The following IMPG1 variants were observed in gnomAD, a reference collection of about 807,000 sequenced individuals.
IMPG1 encodes interphotoreceptor matrix proteoglycan of 150 kDa.
A neutral mutation model predicts 92.0 loss-of-function variants in IMPG1; 85 were observed. That is an observed-to-expected ratio of 0.92 (90% CI 0.78 to 1.11). IMPG1 has a LOEUF of 1.11. Among genes scored for constraint, IMPG1 ranks in the 50% least tolerant of loss-of-function variants. The pLI is 0.00. For missense variants in IMPG1, 1,022 were observed against 956.0 expected (o/e 1.07, Z -0.91); for synonymous variants, 367 against 334.1 (o/e 1.10, Z -1.08).
chr6:75,974,997 T>G (rs559146348), intron 12 of IMPG1, among the ~76,000 whole-genome samples: 27 of 152,250 alleles, frequency 1.8e-4, no homozygotes, highest in Non-Finnish European at 3.4e-4. Flanking sequence ...GATTTTCTTT[T>G]GGGAAAGTAG....
intron 2 of IMPG1, 33 bp downstream of exon 2, chr6:76,041,860 C>T (rs746942132): frequency 2.1e-6 from 3 of 1,409,106 alleles, no homozygotes; most frequent in Non-Finnish European, 3.0e-6. Flanking sequence ...ATGGAAATAA[C>T]ACAAGGCTAA....
In IMPG1 at chr6:76,041,877, T is replaced by G. The variant is rs1168421180; in HGVS notation, c.301+16A>C. ...GGAAATAACACAAGGCTAAACGGTT[T>G]CATCTCTTTCCTTACCTCTCAATCT... On this transcript the variant is annotated intron_variant, in intron 2 of 16. Coordinates refer to ENST00000369950, the MANE Select transcript of IMPG1 (RefSeq NM_001563.4). 1 of 1,515,034 alleles carries G rather than the reference T, an allele frequency of 6.6e-7. No individual in the cohort carries two copies. Among genetic ancestry groups the G allele is most frequent in the Non-Finnish European group, 9.2e-7 (1 of 1,090,010 alleles). 93.8% of individuals were successfully genotyped at this position (1,515,034 alleles called of 1,614,324 possible). A position where few individuals can be genotyped will look rare whatever the true frequency, so the allele number is the denominator to read the frequency against.
At chr6:75,923,906 A>G (rs753399099) in intron 15 of IMPG1, among the ~76,000 whole-genome samples, 200 bp from the exon 16 acceptor site, 6 of 152,094 alleles carry the variant, frequency 3.9e-5, no homozygotes, top group Admixed American at 6.5e-5. Flanking sequence ...TTGGCTTACT[A>G]TTTCTTAGGC....
chr6:75,943,479 A>G (rs557241292), intron 14 of IMPG1, among the ~76,000 whole-genome samples: 2 of 152,326 alleles, frequency 1.3e-5, no homozygotes, highest in East Asian at 1.9e-4. Context: ...ATTTCTGCAC[A>G]TGCTGGCTCC....
At chr6:76,015,483 A>G (rs76892560) in intron 7 of IMPG1, among the ~76,000 whole-genome samples, 540 of 152,326 alleles carry the variant, frequency 3.5e-3, no homozygotes, top group Middle Eastern at 0.014. Context: ...TCTTTGGCTT[A>G]TAAGTTTTTC....
intron 14 of IMPG1, 98 bp from the exon 15 acceptor site, chr6:75,931,249 C>T (rs1781664937): frequency 4.4e-6 from 5 of 1,135,280 alleles, no homozygotes; most frequent in African/African-American, 1.5e-5. Context: ...TTGCTATTAC[C>T]TCATTTTGGA....
chr6:75,950,604 G>A lies in IMPG1; in HGVS notation c.1782C>T (p.Ser594=). The change falls in exon 13 of 17, where the codon AGC becomes AGT. Residue 594 remains serine, a synonymous_variant. Coordinates refer to ENST00000369950, the MANE Select transcript of IMPG1 (RefSeq NM_001563.4). ...GCTCCAGAGCTCGGTACTCCAGAGA[G>A]CTCTTGTTGAACAGGTCGTTGGAGA... is the stretch of plus-strand genomic sequence containing the variant. ...MAFSNDLFNK[S]SLEYRALEQQ... The A allele has an allele frequency of 1.2e-6, 2 of 1,613,542 alleles. No homozygotes were observed. Among genetic ancestry groups the A allele is most frequent in the South Asian group, 1.1e-5 (1 of 90,994 alleles).
At chr6:76,032,139 T>C (rs1262886225) in intron 4 of IMPG1, among the ~76,000 whole-genome samples, 2 of 152,240 alleles carry the variant, frequency 1.3e-5, no homozygotes, top group African/African-American at 4.8e-5. Flanking sequence ...TGTTCCTTTC[T>C]TTCTCTCCAG....
At chr6:76,071,283 AAC>A (rs1784400115) in intron 1 of IMPG1, among the ~76,000 whole-genome samples, 1 of 150,408 alleles carries the variant, frequency 6.6e-6, no homozygotes, top group African/African-American at 2.4e-5. Context: ...CAAAAAATTT[AAC>A]ACAGCTGAAT....
rs944350525 is a variant in IMPG1 at position 76,002,827 on chromosome 6, GC to G, written c.1291+90del. On this transcript the variant is annotated intron_variant, in intron 12 of 16. Transcript: ENST00000369950. The stretch of plus-strand genomic sequence containing the variant: ...TGAACCTTTTCCTGGGTTCGGGATG[GC>G]TTTGTCACTGGTCTTTGAGGCAGTA... The G allele has an allele frequency of 3.7e-5, 37 of 989,166 alleles. No homozygotes were observed. The Admixed American group carries it at 4.0e-4, about 11-fold the overall frequency. 61.3% of individuals were successfully genotyped at this position (989,166 alleles called of 1,614,324 possible).
Position 76,025,407 on chromosome 6 carries a change from A to G in IMPG1, c.498-149T>C, listed in dbSNP as rs558307584. On this transcript the variant is annotated intron_variant, in intron 4 of 16. Transcript: ENST00000369950. ...CTAGATTGACCTATTTTTAAACTAC[A>G]GAAGTAATATTTGAATATATTCTCA... The G allele has an allele frequency of 2.4e-5, 11 of 455,358 alleles. No individual in the cohort carries two copies. The Admixed American group carries it at 4.0e-4, about 16-fold the overall frequency. The allele number at this position is 455,358 out of a possible 1,614,324, so 28.2% of individuals were successfully genotyped here.
intron 2 of IMPG1, among the ~76,000 whole-genome samples, chr6:76,039,148 G>A (rs1230786698): frequency 1.3e-5 from 2 of 152,172 alleles, no homozygotes; most frequent in Admixed American, 1.3e-4. Context: ...GAACTTTAAA[G>A]TACAAATGAA....
intron 12 of IMPG1, among the ~76,000 whole-genome samples, chr6:75,973,502 A>G (rs1043868533): frequency 2.0e-5 from 3 of 152,230 alleles, no homozygotes; most frequent in Admixed American, 6.5e-5. Flanking sequence ...AGTACTTGGT[A>G]CATGCTAGGC....
intron 1 of IMPG1, among the ~76,000 whole-genome samples, chr6:76,064,068 C>A (rs1052564078): frequency 6.6e-6 from 1 of 152,152 alleles, no homozygotes; most frequent in African/African-American, 2.4e-5. Context: ...ACCCCACCCA[C>A]TGTTGTGGAT....
At chr6:75,956,136 C>T (rs1782116301) in intron 12 of IMPG1, among the ~76,000 whole-genome samples, 1 of 152,138 alleles carries the variant, frequency 6.6e-6, no homozygotes, top group Non-Finnish European at 1.5e-5. Flanking sequence ...AGGATGCCCT[C>T]TTTTTCTATT....
intron 14 of IMPG1, among the ~76,000 whole-genome samples, 184 bp downstream of exon 14, chr6:75,947,130 C>T (rs1175217039): frequency 6.6e-6 from 1 of 152,300 alleles, no homozygotes; most frequent in East Asian, 1.9e-4. Context: ...AAAATGTTAA[C>T]TTGCATGTCT....
At chr6:76,062,415 A>G (rs1200364001) in intron 1 of IMPG1, among the ~76,000 whole-genome samples, 1 of 152,248 alleles carries the variant, frequency 6.6e-6, no homozygotes, top group African/African-American at 2.4e-5. Context: ...GAACATTTAT[A>G]TGACATAATA....
chr6:75,969,977 C>T (rs1196677203), intron 12 of IMPG1, among the ~76,000 whole-genome samples: 5 of 152,044 alleles, frequency 3.3e-5, no homozygotes, highest in Middle Eastern at 3.2e-3. Flanking sequence ...GTGTTTTCTT[C>T]CTATTTTAGT....
intron 4 of IMPG1, among the ~76,000 whole-genome samples, chr6:76,026,875 C>T (rs192266590): frequency 6.6e-6 from 1 of 152,254 alleles, no homozygotes; most frequent in Non-Finnish European, 1.5e-5. Flanking sequence ...GAGGGCATGG[C>T]TTGTAACTCC....
Sources: gnomAD v4.1 joint callset for allele counts (sites outside exome capture counted in the v4.1 genomes callset) on GRCh38, gnomAD v4.1.1 for gene constraint, MANE v1.5 for transcripts, NCBI Gene and HGNC (gene_info 2026-07-23, HGNC 2026-07-21) for gene names.